AEBP2: variants seen among roughly 807,000 people sequenced by gnomAD.
The protein encoded by AEBP2 is AE binding protein 2.
In AEBP2, 10 loss-of-function variants were observed where a neutral mutation model predicts 50.8. The ratio of observed to expected loss-of-function variants is 0.20; its 90% CI spans 0.12 to 0.33. AEBP2 has a LOEUF of 0.33. AEBP2 is among the 10% of genes least tolerant of loss of function. The pLI, the probability that AEBP2 is intolerant of heterozygous loss-of-function variation, is 1.00. For missense variants in AEBP2, 570 were observed against 688.0 expected, an observed-to-expected ratio of 0.83 and a Z score of 1.92; for synonymous variants, 296 against 261.3, an observed-to-expected ratio of 1.13 and a Z score of -1.28.
intron 4 of AEBP2, among the ~76,000 whole-genome samples, chr12:19,498,289 C>T (rs1949017487): frequency 6.6e-6 from 1 of 152,160 alleles, no homozygotes; most frequent in Non-Finnish European, 1.5e-5. Flanking sequence ...TCAGAACTCT[C>T]CCTTGCTCAC....
In AEBP2 at chr12:19,445,636, T is replaced by C. The variant is rs1342779092; in HGVS notation, c.671+5266T>C. Among the ~76,000 whole-genome samples, 3 of 152,212 alleles carry C rather than the reference T, an allele frequency of 2.0e-5. No homozygotes were observed. In the East Asian group the frequency reaches 5.8e-4, roughly 29 times the overall value. On this transcript the variant is annotated intron_variant, in intron 1 of 7. Coordinates refer to ENST00000266508, the MANE Select transcript of AEBP2 (RefSeq NM_153207.5). Reference sequence around the variant, plus strand: ...TGATAATAGCTAGTAACGTCTGTTATTGTGAAGTGCTGTACGATCTGGAAT... The same window carrying C: ...TGATAATAGCTAGTAACGTCTGTTACTGTGAAGTGCTGTACGATCTGGAAT...
At chr12:19,458,837 T>C (rs527729947) in intron 1 of AEBP2, among the ~76,000 whole-genome samples, 10 of 152,332 alleles carry the variant, frequency 6.6e-5, no homozygotes, top group African/African-American at 2.4e-4. Flanking sequence ...CAGTGAAAGA[T>C]AAGTTTCTCT....
intron 6 of AEBP2, among the ~76,000 whole-genome samples, chr12:19,514,156 T>A (rs971221299): frequency 6.6e-6 from 1 of 151,874 alleles, no homozygotes; most frequent in Non-Finnish European, 1.5e-5. Flanking sequence ...TGCGCCACCA[T>A]GCCCAGCTAA....
At chr12:19,493,774 G>A (rs1381961282) in intron 3 of AEBP2, 26 bp from the exon 4 acceptor site, 9 of 1,607,552 alleles carry the variant, frequency 5.6e-6, no homozygotes, top group Middle Eastern at 1.7e-4. Flanking sequence ...CATGCCTGAC[G>A]TTATTTCTGT....
chr12:19,499,801 A>G (rs997734069), intron 4 of AEBP2, among the ~76,000 whole-genome samples: 2 of 152,098 alleles, frequency 1.3e-5, no homozygotes, highest in African/African-American at 4.8e-5. Context: ...CTGAGGCGAG[A>G]TGTTGGAGTA....
intron 3 of AEBP2, among the ~76,000 whole-genome samples, chr12:19,482,938 C>G (rs1326700847): frequency 1.3e-5 from 2 of 152,068 alleles, no homozygotes; most frequent in African/African-American, 4.8e-5. Flanking sequence ...ACTCTCACTC[C>G]CTTGGTGTAC....
chr12:19,457,739 C>T (rs1285507333), intron 1 of AEBP2: 4 of 706,400 alleles, frequency 5.7e-6, no homozygotes, highest in Admixed American at 3.9e-5. Context: ...GAGATCTTTT[C>T]GGTTCCTACT....
chr12:19,438,821 A>G (rs537265513), upstream of AEBP2, among the ~76,000 whole-genome samples: 7 of 152,356 alleles, frequency 4.6e-5, no homozygotes, highest in South Asian at 1.2e-3. Context: ...TTTTAAAAAA[A>G]TGGATATTAG....
chr12:19,498,944 G>A (rs561902749), intron 4 of AEBP2, among the ~76,000 whole-genome samples: 36 of 152,208 alleles, frequency 2.4e-4, no homozygotes, highest in Non-Finnish European at 4.1e-4. Context: ...CCAGAAGTTA[G>A]TTTGAGGCTA....
chr12:19,481,027 C>T (rs1241996740), intron 3 of AEBP2, among the ~76,000 whole-genome samples: 3 of 148,490 alleles, frequency 2.0e-5, no homozygotes, highest in Non-Finnish European at 3.0e-5. Flanking sequence ...TGGGTTATTT[C>T]GAAAGCCTTG....
intron 1 of AEBP2, among the ~76,000 whole-genome samples, chr12:19,450,316 T>C (rs1204371639): frequency 2.0e-5 from 3 of 151,900 alleles, no homozygotes; most frequent in African/African-American, 7.3e-5. Context: ...GACAATTTCT[T>C]TCTACCCTCA....
intron 3 of AEBP2, among the ~76,000 whole-genome samples, chr12:19,488,192 C>T (rs1442054429): frequency 6.6e-6 from 1 of 150,484 alleles, no homozygotes; most frequent in Non-Finnish European, 1.5e-5. Context: ...GGTATAGTCT[C>T]AGCTCACTGC....
intron 1 of AEBP2, among the ~76,000 whole-genome samples, chr12:19,455,465 A>G (rs1309516355): frequency 6.6e-6 from 1 of 152,210 alleles, no homozygotes; most frequent in Admixed American, 6.5e-5. Context: ...CAGTCATGGT[A>G]ACATAAGCAT....
Position 19,509,912 on chromosome 12 carries a change from A to G in AEBP2, c.1300-2486A>G, listed in dbSNP as rs1949210024. ...CAGTGGCATGATCTCGGCTCACTGT[A>G]GCTTCCGCTGCCCAGGTTTAAGCAA... On this transcript the variant is annotated intron_variant, in intron 5 of 7. Transcript: ENST00000266508. Among the ~76,000 whole-genome samples the G allele has an allele frequency of 2.4e-5, 3 of 125,538 alleles. No homozygotes were observed. The South Asian group carries it at 7.4e-4, about 31-fold the overall frequency. 82.4% of individuals were successfully genotyped at this position (125,538 alleles called of 152,430 possible).
intron 4 of AEBP2, among the ~76,000 whole-genome samples, chr12:19,499,840 A>C (rs1949039408): frequency 1.3e-5 from 2 of 152,182 alleles, no homozygotes; most frequent in African/African-American, 4.8e-5. Context: ...AAAATGAAGT[A>C]GCTGAGATGT....
intron 2 of AEBP2, among the ~76,000 whole-genome samples, chr12:19,463,778 G>T (rs1490397088): frequency 7.0e-6 from 1 of 142,370 alleles, no homozygotes; most frequent in East Asian, 2.1e-4. Context: ...TGATTCTCCT[G>T]CCTCAGCCTC....
intron 2 of AEBP2, 99 bp downstream of exon 2, chr12:19,462,816 ATT>A: frequency 9.3e-7 from 1 of 1,074,258 alleles, no homozygotes; most frequent in Non-Finnish European, 1.3e-6. Flanking sequence ...ATTTGGGATT[ATT>A]TTTACACAGG....
intron 5 of AEBP2, among the ~76,000 whole-genome samples, chr12:19,500,994 T>C (rs1343671135): frequency 1.3e-5 from 2 of 152,170 alleles, no homozygotes; most frequent in African/African-American, 2.4e-5. Context: ...GATCATACTT[T>C]TGGTGATTTG....
chr12:19,422,446 T>A (rs1234454006), intron 1 of AEBP2, among the ~76,000 whole-genome samples: 3 of 152,064 alleles, frequency 2.0e-5, no homozygotes, highest in African/African-American at 4.8e-5. Flanking sequence ...AAGGATTTTT[T>A]AAAAAATTTA....
Sources: allele counts gnomAD v4.1 joint callset (sites outside exome capture counted in the v4.1 genomes callset), GRCh38; gene constraint gnomAD v4.1.1; transcripts MANE v1.5; gene names NCBI Gene and HGNC (gene_info 2026-07-23, HGNC 2026-07-21).